The following RHOBTB1 variants were observed in gnomAD, a reference collection of about 807,000 sequenced individuals.
RHOBTB1 encodes the protein Rho related BTB domain containing 1, also known as rho-related BTB domain-containing protein 1.
Under a neutral mutation model 71.6 loss-of-function variants are expected in RHOBTB1, and 40 were observed. The observed-to-expected ratio is 0.56, with a 90% confidence interval of 0.43 to 0.73. The LOEUF (loss-of-function observed/expected upper bound fraction) is 0.73, where lower values mean the gene tolerates loss of function less well. RHOBTB1 is among the 30% of genes least tolerant of loss of function. The pLI, the probability that RHOBTB1 is intolerant of heterozygous loss-of-function variation, is 0.00. For missense variants in RHOBTB1, 797 were observed against 894.0 expected, an observed-to-expected ratio of 0.89 and a Z score of 1.38; for synonymous variants, 319 against 334.9, an observed-to-expected ratio of 0.95 and a Z score of 0.52.
chr10:60,920,621 CT>C (rs66851123), intron 2 of RHOBTB1, among the ~76,000 whole-genome samples: 10,297 of 135,372 alleles, frequency 0.076, 572 homozygotes, highest in African/African-American at 0.17. Context: ...TTCTGATTTG[CT>C]TTTTTTTTTT....
intron 4 of RHOBTB1, among the ~76,000 whole-genome samples, chr10:60,900,024 C>A (rs976454844): frequency 6.6e-6 from 1 of 152,042 alleles, no homozygotes; most frequent in Non-Finnish European, 1.5e-5. Flanking sequence ...AGAGCAAAGG[C>A]CCGAGGTAGG....
chr10:60,969,386 T>C (rs1400201090), intron 2 of RHOBTB1, among the ~76,000 whole-genome samples: 1 of 152,126 alleles, frequency 6.6e-6, no homozygotes, highest in Non-Finnish European at 1.5e-5. Flanking sequence ...TGCTTTATCC[T>C]GTTTTTGCAA....
rs2080973375 is a variant in RHOBTB1 at position 60,874,947 on chromosome 10, T to C, written c.1815+7A>G. The C allele has an allele frequency of 6.2e-7, 1 of 1,606,200 alleles. No individual in the cohort carries two copies. Among genetic ancestry groups the C allele is most frequent in the Admixed American group, 1.7e-5 (1 of 59,996 alleles). On this transcript the variant is annotated splice_region_variant and intron_variant, in intron 9 of 10. Transcript: ENST00000337910. ...ACTTAAAAGGTAAAAAGCAAACTGT[T>C]ACAAACCTGAGCCAATTCCAAGTAA...
chr10:60,985,657 A>G (rs2086638463), intron 2 of RHOBTB1, among the ~76,000 whole-genome samples: 1 of 152,260 alleles, frequency 6.6e-6, no homozygotes, highest in South Asian at 2.1e-4. Context: ...ATATTCAAGT[A>G]GAATTTATAA....
At chr10:60,893,493 A>G (rs2082021371) in intron 4 of RHOBTB1, among the ~76,000 whole-genome samples, 1 of 152,226 alleles carries the variant, frequency 6.6e-6, no homozygotes. Context: ...ACACAGAAGG[A>G]TTTCTGCCCT....
intron 2 of RHOBTB1, among the ~76,000 whole-genome samples, chr10:60,974,422 C>T (rs2086253741): frequency 6.6e-6 from 1 of 152,086 alleles, no homozygotes; most frequent in South Asian, 2.1e-4. Flanking sequence ...AAGGAGAATA[C>T]AATGAATACT....
intron 2 of RHOBTB1, among the ~76,000 whole-genome samples, chr10:60,913,248 C>G (rs2083085501): frequency 6.6e-6 from 1 of 152,076 alleles, no homozygotes; most frequent in Admixed American, 6.5e-5. Flanking sequence ...AAAGCTGAGG[C>G]TGGAGAACGA....
At position 60,952,297 on chromosome 10, in the gene RHOBTB1, G is replaced by T. The variant is rs73266077; in HGVS notation, c.-61-10443C>A. Among the ~76,000 whole-genome samples, 801 of 152,242 alleles carry T rather than the reference G, an allele frequency of 5.3e-3. 12 individuals carry two copies. The highest frequency in any genetic ancestry group is 0.018 in the African/African-American group (744 of 41,538). ...AGATCATAAAAAAATGTTTCACAAA[G>T]ATTACAGTGTCATAAACAAGTATGG... On this transcript the variant is annotated intron_variant, in intron 2 of 11. Transcript: ENST00000357917.
rs183523873 is a variant in RHOBTB1 at position 60,968,563 on chromosome 10, G to A, written c.-62+17282C>T. Reference sequence around the variant, plus strand: ...AGCCCTTGCTGACCATCTTTGAGGAGCTGCAGAAAGCAGGAGAGGTGTACA... The same window carrying A: ...AGCCCTTGCTGACCATCTTTGAGGAACTGCAGAAAGCAGGAGAGGTGTACA... On this transcript the variant is annotated intron_variant, in intron 2 of 11. Transcript: ENST00000357917. Among the ~76,000 whole-genome samples the A allele has an allele frequency of 3.3e-4, 50 of 152,256 alleles. 1 individual carries two copies. In the East Asian group the frequency reaches 8.5e-3, roughly 26 times the overall value.
Position 60,911,313 on chromosome 10 carries a change from G to A in RHOBTB1, c.192+38C>T, listed in dbSNP as rs1342663879. On this transcript the variant is annotated intron_variant, in intron 3 of 10. Coordinates refer to ENST00000337910, the MANE Select transcript of RHOBTB1 (RefSeq NM_014836.5). Reference sequence around the variant, plus strand: ...AATCAGACTGGCAACCAGCAATGATGTGCCCTAGGGATGCTGAAGACACTC... The same window carrying A: ...AATCAGACTGGCAACCAGCAATGATATGCCCTAGGGATGCTGAAGACACTC... 2.6e-6 allele frequency: 4 copies of A among 1,557,994 alleles called. No homozygotes were observed. The East Asian group carries it at 6.8e-5, about 27-fold the overall frequency.
Position 60,871,291 on chromosome 10 carries a change from T to C in RHOBTB1, c.*191A>G, listed in dbSNP as rs2080765664. 1.9e-6 allele frequency: 1 copy of C among 535,442 alleles called. No homozygotes were observed. The highest frequency in any genetic ancestry group is 1.9e-5 in the African/African-American group (1 of 51,614). 33.2% of individuals were successfully genotyped at this position (535,442 alleles called of 1,614,324 possible). ...CAGTGAGAGTCAGCTTCCCTTTTTG[T>C]CCAGGCTCATTGATGGTGAGCTTGT... On this transcript the variant is annotated 3_prime_UTR_variant, in exon 11 of 11. Coordinates refer to ENST00000337910, the MANE Select transcript of RHOBTB1 (RefSeq NM_014836.5).
intron 2 of RHOBTB1, among the ~76,000 whole-genome samples, chr10:60,975,164 C>T (rs2086276417): frequency 6.6e-6 from 1 of 151,920 alleles, no homozygotes; most frequent in Admixed American, 6.6e-5. Flanking sequence ...AGATATAAAT[C>T]CAGGTATATG....
At position 60,944,067 on chromosome 10, in the gene RHOBTB1, T is replaced by C. The variant is rs2085086885; in HGVS notation, c.-158A>G. The C allele has an allele frequency of 6.6e-6, 1 of 151,552 alleles. No homozygotes were observed. The highest frequency in any genetic ancestry group is 1.5e-5 in the Non-Finnish European group (1 of 67,920). The allele number at this position is 151,552 out of a possible 1,614,324, so 9.4% of individuals were successfully genotyped here. A position where few individuals can be genotyped will look rare whatever the true frequency, so the allele number is the denominator to read the frequency against. ...CAGCAGCAGCCACGGCTGCGCGCGG[T>C]CGCGGGTGTGCGGGGCCCCTGCGCG... On this transcript the variant is annotated 5_prime_UTR_variant, in exon 1 of 11. Transcript: ENST00000337910.
At chr10:60,938,965 T>C (rs561682090) in intron 2 of RHOBTB1, among the ~76,000 whole-genome samples, 13 of 152,236 alleles carry the variant, frequency 8.5e-5, no homozygotes, top group South Asian at 4.2e-4. Flanking sequence ...TGGTCTACAG[T>C]TGGGTACCAA....
chr10:60,972,925 T>A (rs2134696012), intron 2 of RHOBTB1, among the ~76,000 whole-genome samples: 1 of 152,096 alleles, frequency 6.6e-6, no homozygotes, highest in African/African-American at 2.4e-5. Flanking sequence ...ACTCCCCTTT[T>A]AAATAGAAAC....
At chr10:60,873,000 C>T (rs555176983) in intron 9 of RHOBTB1, among the ~76,000 whole-genome samples, 26 of 152,294 alleles carry the variant, frequency 1.7e-4, no homozygotes, top group African/African-American at 6.0e-4. Flanking sequence ...TGTTGTCTGT[C>T]GCTCTTGATG....
At position 60,880,177 on chromosome 10, in the gene RHOBTB1, C is replaced by CTGTGTGTGTG. The variant is rs1554829436; in HGVS notation, c.1576-2129_1576-2120dup. ...GTCCCTCACAGATACTGAGGGATGA[C>CTGTGTGTGTG]TGTGTGTGTGTGTGTGTGTGTGTGT... On this transcript the variant is annotated intron_variant, in intron 7 of 10. Transcript: ENST00000337910. Among the ~76,000 whole-genome samples the CTGTGTGTGTG allele has an allele frequency of 2.4e-4, 24 of 100,634 alleles. No homozygotes were observed. In the East Asian group the frequency reaches 7.3e-3, roughly 31 times the overall value. The allele number at this position is 100,634 out of a possible 152,430, so 66.0% of individuals were successfully genotyped here.
intron 2 of RHOBTB1, among the ~76,000 whole-genome samples, chr10:60,972,842 C>T (rs1336788721): frequency 1.3e-5 from 2 of 151,998 alleles, no homozygotes; most frequent in Non-Finnish European, 2.9e-5. Context: ...TTGTCAAATG[C>T]AATTTGCTCT....
intron 7 of RHOBTB1, among the ~76,000 whole-genome samples, chr10:60,882,039 T>TG (rs2081350939): frequency 6.6e-6 from 1 of 152,204 alleles, no homozygotes; most frequent in South Asian, 2.1e-4. Context: ...TCATGGCTGA[T>TG]TTTTTAAAAA....
Sources: gnomAD v4.1 joint callset for allele counts (sites outside exome capture counted in the v4.1 genomes callset) on GRCh38, gnomAD v4.1.1 for gene constraint, MANE v1.5 for transcripts, NCBI Gene and HGNC (gene_info 2026-07-23, HGNC 2026-07-21) for gene names.